SPAST: variants seen among roughly 807,000 people sequenced by gnomAD.
SPAST encodes the protein spastic paraplegia 4 (autosomal dominant; spastin).
SPAST carries 30 observed loss-of-function variants against 76.6 expected under a neutral mutation model. The observed-to-expected ratio is 0.39, with a 90% CI of 0.29 to 0.53. The LOEUF is 0.53. Ranked by LOEUF, SPAST falls within the 20% of genes least tolerant of loss-of-function variation. The pLI is 0.68. For missense variants in SPAST, 717 were observed against 770.5 expected, an observed-to-expected ratio of 0.93 and a Z score of 0.82; for synonymous variants, 305 against 281.0, an observed-to-expected ratio of 1.09 and a Z score of -0.86.
chr2:32,114,496 G>T (rs1409628973), intron 4 of SPAST, 142 bp from the exon 5 acceptor site: 22 of 695,806 alleles, frequency 3.2e-5, no homozygotes, highest in Admixed American at 1.2e-4. Context: ...GAAGATCCTG[G>T]TACATGTTCT....
At chr2:32,113,949 T>G (rs1010663460) in intron 4 of SPAST, among the ~76,000 whole-genome samples, 11 of 150,196 alleles carry the variant, frequency 7.3e-5, no homozygotes, top group African/African-American at 2.4e-4. Flanking sequence ...GTTTTTTTGT[T>G]TTTTTTTTTA....
chr2:32,069,151 T>G (rs893611989), intron 1 of SPAST, among the ~76,000 whole-genome samples: 1 of 131,162 alleles, frequency 7.6e-6, no homozygotes, highest in African/African-American at 2.9e-5. Flanking sequence ...AGGTGGAGAT[T>G]GCGGTGGGCC....
At chr2:32,109,424 T>A (rs1444866715) in intron 4 of SPAST, among the ~76,000 whole-genome samples, 2 of 152,132 alleles carry the variant, frequency 1.3e-5, no homozygotes, top group Non-Finnish European at 2.9e-5. Flanking sequence ...TTTTAAATAC[T>A]GTAAGGCTTA....
chr2:32,077,657 A>C (rs559783707), intron 1 of SPAST, among the ~76,000 whole-genome samples: 33 of 152,286 alleles, frequency 2.2e-4, no homozygotes, highest in African/African-American at 7.7e-4. Flanking sequence ...TTGCAAACAC[A>C]TATCCTCTCA....
chr2:32,071,411 A>G (rs1474216806), intron 1 of SPAST, among the ~76,000 whole-genome samples: 2 of 152,230 alleles, frequency 1.3e-5, no homozygotes, highest in Non-Finnish European at 2.9e-5. Flanking sequence ...AGCTGTGTAT[A>G]TGTGCATGTG....
intron 7 of SPAST, chr2:32,126,402 C>T (rs1679192281): frequency 6.7e-6 from 1 of 149,950 alleles, no homozygotes; most frequent in African/African-American, 2.5e-5. Flanking sequence ...AGAAACATGC[C>T]TATGTTCAAT....
At chr2:32,116,421 C>T (rs573634582) in intron 7 of SPAST, among the ~76,000 whole-genome samples, 4 of 152,226 alleles carry the variant, frequency 2.6e-5, no homozygotes, top group African/African-American at 7.2e-5. Context: ...TTCCTAATTT[C>T]CAATCCTTTT....
At chr2:32,147,893 A>AGTGCT (rs1679948167) in intron 16 of SPAST, among the ~76,000 whole-genome samples, 1 of 145,462 alleles carries the variant, frequency 6.9e-6, no homozygotes. Flanking sequence ...AGCCTCCCAA[A>AGTGCT]GTGCTGGGAT....
chr2:32,138,505 T>A (rs1370983029), intron 12 of SPAST, among the ~76,000 whole-genome samples: 3 of 152,170 alleles, frequency 2.0e-5, no homozygotes, highest in Admixed American at 2.0e-4. Context: ...ATTCATTTCC[T>A]TTTTACCCAT....
At chr2:32,065,273 C>T (rs1314210173) in intron 1 of SPAST, among the ~76,000 whole-genome samples, 1 of 152,118 alleles carries the variant, frequency 6.6e-6, no homozygotes, top group Non-Finnish European at 1.5e-5. Flanking sequence ...TCGCCTCGGC[C>T]TCCCAAAGTG....
At chr2:32,127,286 T>G in intron 8 of SPAST, 1 of 432,482 alleles carries the variant, frequency 2.3e-6, no homozygotes, top group Non-Finnish European at 4.3e-6. Flanking sequence ...CCTGTCTAGG[T>G]TTTTTATTTT....
intron 9 of SPAST, 43 bp downstream of exon 9, chr2:32,128,522 T>A: frequency 8.0e-7 from 1 of 1,256,886 alleles, no homozygotes; most frequent in Non-Finnish European, 1.2e-6. Flanking sequence ...TAAGTTACTG[T>A]CTAAATGTTA....
chr2:32,140,399 G>T (rs1199846215), intron 12 of SPAST, among the ~76,000 whole-genome samples: 1 of 152,124 alleles, frequency 6.6e-6, no homozygotes, highest in Non-Finnish European at 1.5e-5. Context: ...GGCAAGGACA[G>T]ACCACTTGAG....
intron 1 of SPAST, among the ~76,000 whole-genome samples, chr2:32,086,023 CAG>C (rs1677460409): frequency 6.7e-6 from 1 of 148,742 alleles, no homozygotes; most frequent in Admixed American, 6.8e-5. Flanking sequence ...GCCTGGGCTA[CAG>C]AGAGAGACTC....
intron 1 of SPAST, among the ~76,000 whole-genome samples, chr2:32,081,837 C>CTCTGCTG (rs1256438227): frequency 7.0e-6 from 1 of 141,938 alleles, no homozygotes; most frequent in Non-Finnish European, 1.5e-5. Context: ...CTGGGCTCAT[C>CTCTGCTG]TCTGCTGGCT....
intron 1 of SPAST, 127 bp downstream of exon 1, chr2:32,064,373 C>G: frequency 1.2e-6 from 1 of 834,646 alleles, no homozygotes; most frequent in Non-Finnish European, 1.9e-6. Flanking sequence ...TGATATGCCC[C>G]GGGAGACTGC....
At chr2:32,067,515 T>C (rs1233846766) in intron 1 of SPAST, among the ~76,000 whole-genome samples, 1 of 152,096 alleles carries the variant, frequency 6.6e-6, no homozygotes, top group East Asian at 1.9e-4. Flanking sequence ...GTGGAAGAAA[T>C]AGAATTCAGA....
chr2:32,113,722 C>T (rs557651835), intron 4 of SPAST, among the ~76,000 whole-genome samples: 4 of 151,154 alleles, frequency 2.6e-5, no homozygotes, highest in Middle Eastern at 3.5e-3. Flanking sequence ...CCCACCACCA[C>T]GTCTGACTGA....
At chr2:32,069,911 C>T (rs1676679849) in intron 1 of SPAST, among the ~76,000 whole-genome samples, 2 of 151,950 alleles carry the variant, frequency 1.3e-5, no homozygotes, top group Admixed American at 6.6e-5. Context: ...AGTGAAATGG[C>T]ATCAAACTGT....
Sources: allele counts gnomAD v4.1 joint callset (sites outside exome capture counted in the v4.1 genomes callset), GRCh38; gene constraint gnomAD v4.1.1; transcripts MANE v1.5; gene names NCBI Gene and HGNC (gene_info 2026-07-23, HGNC 2026-07-21).